The following PRKCQ variants were observed in gnomAD, a reference collection of about 807,000 sequenced individuals.
The protein encoded by PRKCQ is protein kinase C theta type.
Under a neutral mutation model 91.2 loss-of-function variants are expected in PRKCQ, and 41 were observed. The ratio of observed to expected loss-of-function variants is 0.45; its 90% CI spans 0.35 to 0.58. The LOEUF is 0.58. PRKCQ is among the 20% of genes least tolerant of loss of function. The pLI, the probability that PRKCQ is intolerant of heterozygous loss-of-function variation, is 0.00. For missense variants in PRKCQ, 673 were observed against 896.5 expected (o/e 0.75, Z 3.18); for synonymous variants, 307 against 316.9 (o/e 0.97, Z 0.33).
At chr10:6,489,607 G>T (rs1837160058) in intron 8 of PRKCQ, 23 of 403,864 alleles carry the variant, frequency 5.7e-5, no homozygotes. Flanking sequence ...GAGAAAGGAG[G>T]ACGCGGGGGC....
At chr10:6,507,254 T>C (rs1226507212) in intron 4 of PRKCQ, among the ~76,000 whole-genome samples, 182 bp downstream of exon 4, 1 of 152,234 alleles carries the variant, frequency 6.6e-6, no homozygotes, top group African/African-American at 2.4e-5. Context: ...TTCTACGTTT[T>C]TCCGGCCCAG....
the PRKCQ span, among the ~76,000 whole-genome samples, chr10:6,404,139 T>G: frequency 6.6e-6 from 1 of 151,488 alleles, no homozygotes; most frequent in African/African-American, 2.4e-5. Context: ...AAATGCAGAA[T>G]TCTACCCTTT....
intron 15 of PRKCQ, among the ~76,000 whole-genome samples, chr10:6,445,052 A>T (rs1834186379): frequency 7.8e-6 from 1 of 128,170 alleles, no homozygotes; most frequent in Admixed American, 9.9e-5. Context: ...TGAACCCGGG[A>T]GGTGGAGGCT....
intron 12 of PRKCQ, among the ~76,000 whole-genome samples, chr10:6,467,359 G>GAC (rs1273115478): frequency 8.8e-6 from 1 of 113,662 alleles, no homozygotes; most frequent in Non-Finnish European, 2.0e-5. Context: ...GAGAGAGACA[G>GAC]AGAGAGAGAG....
intron 1 of PRKCQ, among the ~76,000 whole-genome samples, chr10:6,567,931 T>C (rs1341298051): frequency 1.3e-5 from 2 of 152,188 alleles, no homozygotes; most frequent in Non-Finnish European, 2.9e-5. Flanking sequence ...TCTATTTTAG[T>C]ACATTTAAAA....
Position 6,465,854 on chromosome 10 carries a change from T to C in PRKCQ, c.1354-1450A>G, listed in dbSNP as rs2132338297. Among the ~76,000 whole-genome samples, 1 of 152,378 alleles carries C rather than the reference T, an allele frequency of 6.6e-6. No homozygotes were observed. Among genetic ancestry groups the C allele is most frequent in the African/African-American group, 2.4e-5 (1 of 41,594 alleles). ...TTTACTAATTCCATATATCTTTAAG[T>C]GAAGCCCACCCTTTTCTCTTCTGGA... On this transcript the variant is annotated intron_variant, in intron 12 of 17. Coordinates refer to ENST00000263125, the MANE Select transcript of PRKCQ (RefSeq NM_006257.5). The surrounding 1 kb of genome is among the most constrained non-coding windows in gnomAD (Gnocchi z 4.4).
At chr10:6,503,386 T>C (rs548719439) in intron 4 of PRKCQ, among the ~76,000 whole-genome samples, 4 of 152,126 alleles carry the variant, frequency 2.6e-5, no homozygotes, top group African/African-American at 7.2e-5. Context: ...AAATAGAAAG[T>C]TGGCAGGGGG....
At position 6,509,500 on chromosome 10, in the gene PRKCQ, C is replaced by T. The variant is rs75353904; in HGVS notation, c.318+1495G>A. On this transcript the variant is annotated intron_variant, in intron 3 of 17. Transcript: ENST00000263125. Reference sequence around the variant, plus strand: ...TTAGGCTCACTGCAACCTCCGCTTCCCAGGTTCAAGTGATTCTCCTGCCTC... The same window carrying T: ...TTAGGCTCACTGCAACCTCCGCTTCTCAGGTTCAAGTGATTCTCCTGCCTC... Among the ~76,000 whole-genome samples the T allele has an allele frequency of 7.2e-5, 11 of 152,360 alleles. No individual in the cohort carries two copies. In the East Asian group the frequency reaches 1.7e-3, roughly 24 times the overall value.
At chr10:6,563,359 C>T (rs1196187578) in intron 1 of PRKCQ, among the ~76,000 whole-genome samples, 1 of 151,992 alleles carries the variant, frequency 6.6e-6, no homozygotes, top group African/African-American at 2.4e-5. Context: ...ATTCTGGGTG[C>T]CCTGCCTTCT....
intron 12 of PRKCQ, 24 bp downstream of exon 12, chr10:6,478,968 G>A: frequency 6.2e-7 from 1 of 1,612,240 alleles, no homozygotes; most frequent in Non-Finnish European, 8.5e-7. Flanking sequence ...AGGGGAGGTA[G>A]GGTTGTCGGA....
At chr10:6,521,570 C>T (rs1218010057) in intron 1 of PRKCQ, among the ~76,000 whole-genome samples, 1 of 152,200 alleles carries the variant, frequency 6.6e-6, no homozygotes, top group Non-Finnish European at 1.5e-5. Flanking sequence ...AGTAAATGCT[C>T]AATAAATGTT....
intron 4 of PRKCQ, among the ~76,000 whole-genome samples, chr10:6,499,408 C>A (rs1432677811): frequency 2.0e-5 from 3 of 152,174 alleles, no homozygotes; most frequent in African/African-American, 7.2e-5. Context: ...TGAGAATGCT[C>A]AGGATGCCCT....
chr10:6,459,567 T>G (rs1835207559), intron 14 of PRKCQ, among the ~76,000 whole-genome samples: 1 of 151,690 alleles, frequency 6.6e-6, no homozygotes, highest in Non-Finnish European at 1.5e-5. Context: ...TTTCCAAATG[T>G]AATTAAGTTA....
At chr10:6,471,623 G>A (rs1588711781) in intron 12 of PRKCQ, among the ~76,000 whole-genome samples, 2 of 152,088 alleles carry the variant, frequency 1.3e-5, no homozygotes, top group African/African-American at 2.4e-5. Context: ...AGTGGCGCAC[G>A]CTTGTAATTC....
intron 16 of PRKCQ, among the ~76,000 whole-genome samples, chr10:6,439,242 T>A (rs1317353573): frequency 1.3e-5 from 2 of 152,198 alleles, no homozygotes; most frequent in Non-Finnish European, 2.9e-5. Flanking sequence ...TCTCGATGGA[T>A]CCTGGGCTAC....
chr10:6,553,571 C>T (rs938145532), intron 1 of PRKCQ, among the ~76,000 whole-genome samples: 5 of 151,526 alleles, frequency 3.3e-5, no homozygotes, highest in Non-Finnish European at 5.9e-5. Context: ...ATCTTTTCTT[C>T]TATTGATGTT....
intron 8 of PRKCQ, among the ~76,000 whole-genome samples, chr10:6,490,847 G>A (rs780680717): frequency 2.0e-4 from 30 of 150,830 alleles, no homozygotes; most frequent in Middle Eastern, 3.5e-3. Context: ...CTCTGCCCAC[G>A]TCTCTCCCCA....
chr10:6,559,986 T>C (rs1998940), intron 1 of PRKCQ, among the ~76,000 whole-genome samples: 7 of 152,176 alleles, frequency 4.6e-5, no homozygotes, highest in Admixed American at 4.6e-4. Flanking sequence ...ATTGTCTTTC[T>C]ACTCCAAAAA....
At position 6,457,216 on chromosome 10, in the gene PRKCQ, CCTAA is replaced by C. The variant is rs375181013; in HGVS notation, c.1509-408_1509-405del. On this transcript the variant is annotated intron_variant, in intron 14 of 17. Transcript: ENST00000263125. ...CCAAGTCCAGTTGATGAAGTTTGTT[CCTAA>C]CTAATACTGAACCCCTTGAGAACCG... 1.8e-3 allele frequency among the ~76,000 whole-genome samples: 278 copies of C among 152,272 alleles called. 1 individual carries two copies. Among genetic ancestry groups the C allele is most frequent in the African/African-American group, 5.5e-3 (228 of 41,546 alleles).
Sources: allele counts gnomAD v4.1 joint callset (sites outside exome capture counted in the v4.1 genomes callset), GRCh38; gene constraint gnomAD v4.1.1; non-coding constraint Gnocchi (gnomAD v3.1); transcripts MANE v1.5; gene names NCBI Gene and HGNC (gene_info 2026-07-23, HGNC 2026-07-21).